Variants in SCHIP1 observed in about 807,000 individuals in gnomAD.
SCHIP1 encodes schwannomin interacting protein 1, also known as schwannomin-interacting protein 1.
A neutral mutation model predicts 29.7 loss-of-function variants in SCHIP1; 8 were observed. That is an observed-to-expected ratio of 0.27 (90% CI 0.16 to 0.49). The LOEUF (loss-of-function observed/expected upper bound fraction) is 0.49. Among genes scored for constraint, SCHIP1 ranks in the 20% least tolerant of loss-of-function variants. The probability of loss-of-function intolerance (pLI) is 0.99; values close to 1 mark genes in which losing one functional copy is unlikely to be tolerated. For missense variants in SCHIP1, 193 were observed against 294.6 expected, an observed-to-expected ratio of 0.66 and a Z score of 2.52; for synonymous variants, 76 against 94.9, an observed-to-expected ratio of 0.80 and a Z score of 1.16.
At chr3:159,728,026 A>G in the SCHIP1 span, among the ~76,000 whole-genome samples, 1 of 150,600 alleles carries the variant, frequency 6.6e-6, no homozygotes, top group Non-Finnish European at 1.5e-5. Flanking sequence ...TAAAAAGGCA[A>G]TCTGTAATTT....
the SCHIP1 span, among the ~76,000 whole-genome samples, chr3:159,725,992 C>T: frequency 1.3e-5 from 2 of 152,068 alleles, no homozygotes; most frequent in Non-Finnish European, 2.9e-5. Flanking sequence ...ACTTATATTC[C>T]ATTAGCTATA....
the SCHIP1 span, among the ~76,000 whole-genome samples, chr3:159,640,854 CA>C: frequency 6.6e-6 from 1 of 152,084 alleles, no homozygotes; most frequent in East Asian, 1.9e-4. Context: ...TCCCTGTGAG[CA>C]AAAATGCATA....
At chr3:159,329,868 TA>T in the SCHIP1 span, among the ~76,000 whole-genome samples, 238 of 138,780 alleles carry the variant, frequency 1.7e-3, no homozygotes, top group African/African-American at 8.0e-3. Context: ...GCACCGTTAG[TA>T]TTTTTTTTTT....
At chr3:159,281,575 A>G in the SCHIP1 span, among the ~76,000 whole-genome samples, 1 of 152,204 alleles carries the variant, frequency 6.6e-6, no homozygotes, top group African/African-American at 2.4e-5. Flanking sequence ...GTGCTGTGTC[A>G]GTGGAAGAAG....
the SCHIP1 span, among the ~76,000 whole-genome samples, chr3:159,505,910 T>G: frequency 1.3e-5 from 2 of 152,242 alleles, no homozygotes; most frequent in Non-Finnish European, 1.5e-5. Flanking sequence ...TTTGCTATTG[T>G]GAATAGTGCC....
the SCHIP1 span, among the ~76,000 whole-genome samples, chr3:159,303,261 G>C: frequency 1.3e-5 from 2 of 151,906 alleles, no homozygotes; most frequent in Non-Finnish European, 2.9e-5. Flanking sequence ...GGAGATGAAA[G>C]TATCATTTAT....
chr3:159,464,890 T>C, the SCHIP1 span, among the ~76,000 whole-genome samples: 5 of 152,294 alleles, frequency 3.3e-5, no homozygotes, highest in South Asian at 8.3e-4. Flanking sequence ...TGACAGATAT[T>C]GGTATAAAAA....
At chr3:159,376,074 G>A in the SCHIP1 span, among the ~76,000 whole-genome samples, 1 of 152,094 alleles carries the variant, frequency 6.6e-6, no homozygotes, top group South Asian at 2.1e-4. Flanking sequence ...CCAATGTTGT[G>A]TGGTATATGA....
the SCHIP1 span, among the ~76,000 whole-genome samples, chr3:159,455,963 T>C: frequency 7.8e-4 from 119 of 152,326 alleles, 3 homozygotes; most frequent in South Asian, 0.023. Context: ...CTGGAATGTC[T>C]GTATGCCCAG....
At chr3:159,879,351 C>G (rs973187329) in intron 2 of SCHIP1, among the ~76,000 whole-genome samples, 1 of 151,606 alleles carries the variant, frequency 6.6e-6, no homozygotes, top group African/African-American at 2.4e-5. Flanking sequence ...CATCTCAAGA[C>G]GGACTTTCCT....
At chr3:159,663,791 T>C in the SCHIP1 span, among the ~76,000 whole-genome samples, 1 of 152,180 alleles carries the variant, frequency 6.6e-6, no homozygotes, top group Non-Finnish European at 1.5e-5. Flanking sequence ...TTAAAGCTAA[T>C]TGTATTGTAA....
the SCHIP1 span, among the ~76,000 whole-genome samples, chr3:159,755,517 A>G: frequency 6.6e-6 from 1 of 152,208 alleles, no homozygotes; most frequent in Non-Finnish European, 1.5e-5. Flanking sequence ...GGAAGCTACA[A>G]GATGAGACTT....
chr3:159,689,526 C>A, the SCHIP1 span, among the ~76,000 whole-genome samples: 2 of 152,176 alleles, frequency 1.3e-5, no homozygotes, highest in African/African-American at 4.8e-5. Context: ...TCTAAAAATA[C>A]AATCATGTCA....
the SCHIP1 span, chr3:159,808,638 A>T: frequency 6.6e-6 from 1 of 152,238 alleles, no homozygotes; most frequent in South Asian, 2.1e-4. Flanking sequence ...AGATATGACC[A>T]TGAGGGCAAG....
the SCHIP1 span, among the ~76,000 whole-genome samples, chr3:159,736,689 C>T: frequency 6.6e-6 from 1 of 151,796 alleles, no homozygotes; most frequent in East Asian, 1.9e-4. Context: ...CGGGGCTGCA[C>T]TGGGGACGTT....
chr3:159,437,139 C>T, the SCHIP1 span, among the ~76,000 whole-genome samples: 12 of 152,256 alleles, frequency 7.9e-5, no homozygotes, highest in African/African-American at 2.6e-4. Flanking sequence ...TGTATAAAGA[C>T]TTCCCTTATC....
chr3:159,514,703 A>G, the SCHIP1 span, among the ~76,000 whole-genome samples: 1 of 152,228 alleles, frequency 6.6e-6, no homozygotes, highest in Non-Finnish European at 1.5e-5. Flanking sequence ...CATTGTTTCT[A>G]AATGTAATTG....
the SCHIP1 span, among the ~76,000 whole-genome samples, chr3:159,739,645 G>C: frequency 6.6e-6 from 1 of 152,002 alleles, no homozygotes; most frequent in Admixed American, 6.5e-5. Flanking sequence ...TCTTTCAAAT[G>C]CAAGTCCTTA....
At chr3:159,386,181 C>T in the SCHIP1 span, among the ~76,000 whole-genome samples, 1 of 152,156 alleles carries the variant, frequency 6.6e-6, no homozygotes, top group African/African-American at 2.4e-5. Context: ...TTTATAGTAG[C>T]ATGATTTATA....
Sources: allele counts gnomAD v4.1 joint callset (sites outside exome capture counted in the v4.1 genomes callset), GRCh38; gene constraint gnomAD v4.1.1; transcripts MANE v1.5; gene names NCBI Gene and HGNC (gene_info 2026-07-23, HGNC 2026-07-21).